The following PARD3 variants were observed in gnomAD, a reference collection of about 807,000 sequenced individuals.
The protein encoded by PARD3 is par-3 family cell polarity regulator, also known as partitioning defective 3 homolog.
In PARD3, 75 loss-of-function variants were observed where a neutral mutation model predicts 155.4. The ratio of observed to expected loss-of-function variants is 0.48; its 90% CI spans 0.40 to 0.58. PARD3 has a LOEUF of 0.58. PARD3 is among the 20% of genes least tolerant of loss of function. The probability of loss-of-function intolerance (pLI) is 0.00; values close to 1 mark genes in which losing one functional copy is unlikely to be tolerated. For synonymous variants in PARD3, 576 were observed against 610.5 expected, an observed-to-expected ratio of 0.94 and a Z score of 0.83; for missense variants, 1,642 against 1,721.7, an observed-to-expected ratio of 0.95 and a Z score of 0.82.
chr10:34,238,998 T>C (rs561192962), intron 22 of PARD3, among the ~76,000 whole-genome samples: 1 of 152,350 alleles, frequency 6.6e-6, no homozygotes, highest in Admixed American at 6.5e-5. Flanking sequence ...AGCACTGACA[T>C]ATTTTAAAAG....
At chr10:34,218,806 G>A (rs1281626527) in intron 22 of PARD3, among the ~76,000 whole-genome samples, 2 of 151,176 alleles carry the variant, frequency 1.3e-5, no homozygotes, top group African/African-American at 2.4e-5. Context: ...GAGGGATGTC[G>A]TGTGGGGTGG....
At chr10:34,630,191 T>G (rs2092193823) in intron 2 of PARD3, among the ~76,000 whole-genome samples, 1 of 152,214 alleles carries the variant, frequency 6.6e-6, no homozygotes, top group Admixed American at 6.5e-5. Flanking sequence ...CTGCACTTAC[T>G]CGGCATGGAG....
chr10:34,745,465 G>A (rs975878238), intron 1 of PARD3, among the ~76,000 whole-genome samples: 1 of 130,348 alleles, frequency 7.7e-6, no homozygotes, highest in Admixed American at 7.8e-5. Flanking sequence ...AAAGAGAGAG[G>A]GAAAGAGAGA....
intron 2 of PARD3, among the ~76,000 whole-genome samples, chr10:34,642,594 C>A (rs941958289): frequency 6.6e-6 from 1 of 152,144 alleles, no homozygotes; most frequent in Non-Finnish European, 1.5e-5. Context: ...ATGGCACCCC[C>A]ACTCGGCATG....
At chr10:34,429,536 C>T (rs560559154) in intron 5 of PARD3, among the ~76,000 whole-genome samples, 6 of 151,154 alleles carry the variant, frequency 4.0e-5, no homozygotes, top group Non-Finnish European at 7.4e-5. Context: ...GCTAAGAATA[C>T]AGCCCCACTC....
intron 20 of PARD3, chr10:34,312,312 A>G: frequency 6.2e-7 from 1 of 1,609,014 alleles, no homozygotes; most frequent in Non-Finnish European, 8.5e-7. Context: ...CAACTGTGCA[A>G]TATGTGCTGT....
chr10:34,476,453 A>G (rs1466295326), intron 3 of PARD3, among the ~76,000 whole-genome samples: 4 of 152,110 alleles, frequency 2.6e-5, no homozygotes, highest in African/African-American at 9.7e-5. Context: ...TAATACTCTG[A>G]AAACAGTACT....
At chr10:34,207,305 A>T (rs1951526088) in intron 22 of PARD3, among the ~76,000 whole-genome samples, 1 of 152,216 alleles carries the variant, frequency 6.6e-6, no homozygotes, top group South Asian at 2.1e-4. Context: ...AATATATTTT[A>T]AAAATAAGCA....
chr10:34,454,221 C>A (rs1051157162), intron 4 of PARD3, among the ~76,000 whole-genome samples: 9 of 152,088 alleles, frequency 5.9e-5, no homozygotes, highest in African/African-American at 1.9e-4. Context: ...ATCTAGTTCA[C>A]CGTCTACTGC....
chr10:34,654,479 C>G (rs2093109770), intron 2 of PARD3, among the ~76,000 whole-genome samples: 3 of 152,332 alleles, frequency 2.0e-5, no homozygotes. Flanking sequence ...GCTGCACTGC[C>G]TGCCTTTCTA....
At chr10:34,277,886 G>A (rs1197535436) in intron 21 of PARD3, among the ~76,000 whole-genome samples, 1 of 152,000 alleles carries the variant, frequency 6.6e-6, no homozygotes, top group African/African-American at 2.4e-5. Flanking sequence ...TGAAAGTGAG[G>A]GTAGAATTTT....
At chr10:34,704,931 GC>G (rs1272794190) in intron 1 of PARD3, among the ~76,000 whole-genome samples, 5 of 152,066 alleles carry the variant, frequency 3.3e-5, no homozygotes, top group Non-Finnish European at 5.9e-5. Flanking sequence ...TTTTAAAAAT[GC>G]CCCTCAGACT....
At chr10:34,808,071 T>C (rs1843623355) in intron 1 of PARD3, among the ~76,000 whole-genome samples, 1 of 152,258 alleles carries the variant, frequency 6.6e-6, no homozygotes, top group Admixed American at 6.5e-5. Context: ...CCCAGCACTC[T>C]GGAGGACCAA....
intron 3 of PARD3, among the ~76,000 whole-genome samples, chr10:34,473,538 A>T (rs920103722): frequency 2.0e-5 from 3 of 152,142 alleles, no homozygotes; most frequent in Admixed American, 6.5e-5. Context: ...AATAAAAAAA[A>T]AAAAAATAGA....
At chr10:34,364,508 TAACCTTG>T (rs1839776132) in intron 12 of PARD3, among the ~76,000 whole-genome samples, 14 of 151,984 alleles carry the variant, frequency 9.2e-5, no homozygotes, top group Admixed American at 6.6e-4. Context: ...TAGCTCTCCA[TAACCTTG>T]AACTCCTGGA....
chr10:34,493,308 A>AG (rs2080042162), intron 3 of PARD3, among the ~76,000 whole-genome samples: 1 of 152,230 alleles, frequency 6.6e-6, no homozygotes, highest in African/African-American at 2.4e-5. Flanking sequence ...TCTTCAATCA[A>AG]TTCAAAAAAA....
intron 24 of PARD3, among the ~76,000 whole-genome samples, chr10:34,118,387 C>G (rs1373735251): frequency 1.3e-5 from 2 of 152,210 alleles, no homozygotes; most frequent in Admixed American, 6.5e-5. Context: ...TGCTCTGTCA[C>G]CCAGGCAAGT....
At chr10:34,653,131 G>A in intron 2 of PARD3, among the ~76,000 whole-genome samples, 1 of 152,150 alleles carries the variant, frequency 6.6e-6, no homozygotes, top group South Asian at 2.1e-4. Flanking sequence ...TCTTATATAA[G>A]TGATAGTAAT....
At chr10:34,496,839 T>C (rs191423412) in intron 3 of PARD3, among the ~76,000 whole-genome samples, 2 of 152,348 alleles carry the variant, frequency 1.3e-5, no homozygotes, top group Admixed American at 1.3e-4. Context: ...ATAACACTAT[T>C]ACATATAGCT....
Sources: gnomAD v4.1 joint callset for allele counts (sites outside exome capture counted in the v4.1 genomes callset) on GRCh38, gnomAD v4.1.1 for gene constraint, MANE v1.5 for transcripts, NCBI Gene and HGNC (gene_info 2026-07-23, HGNC 2026-07-21) for gene names.